IL17RB: variants seen among roughly 807,000 people sequenced by gnomAD.
The protein encoded by IL17RB is interleukin 17 receptor B.
Under a neutral mutation model 43.9 loss-of-function variants are expected in IL17RB, and 36 were observed. The observed-to-expected ratio is 0.82, with a 90% CI of 0.63 to 1.08. The LOEUF is 1.08. Ranked by LOEUF, IL17RB falls within the 50% of genes least tolerant of loss-of-function variation. The pLI is 0.00. For synonymous variants in IL17RB, 225 were observed against 225.4 expected, an observed-to-expected ratio of 1.00 and a Z score of 0.02; for missense variants, 613 against 613.6, an observed-to-expected ratio of 1.00 and a Z score of 0.01.
chr3:53,858,879 C>CA, intron 9 of IL17RB, 61 bp downstream of exon 9: 2 of 1,313,232 alleles, frequency 1.5e-6, no homozygotes, highest in Non-Finnish European at 2.2e-6. Flanking sequence ...CACTGCCCCC[C>CA]ACTCAGTATG....
At chr3:53,852,245 G>C (rs374269218) in intron 4 of IL17RB, 119 bp downstream of exon 4, 7 of 922,444 alleles carry the variant, frequency 7.6e-6, no homozygotes, top group Admixed American at 2.1e-5. Flanking sequence ...GGGCTCAAGC[G>C]ATCGTTCTAC....
intron 10 of IL17RB, 27 bp downstream of exon 10, chr3:53,860,255 T>G: frequency 6.5e-7 from 1 of 1,546,650 alleles, no homozygotes; most frequent in Non-Finnish European, 8.8e-7. Context: ...TTTAAAGACA[T>G]CCTAGTAAGG....
At chr3:53,862,957 C>T (rs1050547957) in intron 10 of IL17RB, among the ~76,000 whole-genome samples, 1 of 152,206 alleles carries the variant, frequency 6.6e-6, no homozygotes, top group Non-Finnish European at 1.5e-5. Flanking sequence ...TCTGCCACCC[C>T]TAAGTCAGCA....
intron 1 of IL17RB, 98 bp from the exon 2 acceptor site, chr3:53,848,566 A>G: frequency 1.8e-6 from 2 of 1,135,954 alleles, no homozygotes; most frequent in Non-Finnish European, 2.7e-6. Context: ...TCACTTGTAT[A>G]TGCATTTAAG....
At chr3:53,855,390 T>C in intron 6 of IL17RB, 49 bp downstream of exon 6, 1 of 1,276,552 alleles carries the variant, frequency 7.8e-7, no homozygotes, top group East Asian at 2.3e-5. Context: ...ACTTGTAACT[T>C]GAGGCAGCAT....
At chr3:53,851,608 G>A (rs1699150438) in intron 3 of IL17RB, among the ~76,000 whole-genome samples, 1 of 152,316 alleles carries the variant, frequency 6.6e-6, no homozygotes, top group East Asian at 1.9e-4. Flanking sequence ...GTGTGGTTTG[G>A]TGATGACAGT....
intron 1 of IL17RB, among the ~76,000 whole-genome samples, chr3:53,847,233 C>T (rs1698947271): frequency 6.6e-6 from 1 of 152,184 alleles, no homozygotes. Flanking sequence ...TAGCATATAG[C>T]ATCAAGCTCC....
At chr3:53,852,153 G>GT (rs755703439) in intron 4 of IL17RB, 27 bp downstream of exon 4, 6 of 1,609,528 alleles carry the variant, frequency 3.7e-6, no homozygotes, top group African/African-American at 1.3e-5. Flanking sequence ...TTTTTGTTTT[G>GT]TTTTTTGAGA....
rs564942078 is a variant in IL17RB at position 53,862,075 on chromosome 3, T to C, written c.946+1847T>C. The stretch of plus-strand genomic sequence containing the variant: ...AGAAGGCCTGGACACTGAGAAAACT[T>C]TTCTGGATTGGTTCCACTGATGCTT... On this transcript the variant is annotated intron_variant, in intron 10 of 10. Coordinates refer to ENST00000288167, the MANE Select transcript of IL17RB (RefSeq NM_018725.4). 5.9e-5 allele frequency among the ~76,000 whole-genome samples: 9 copies of C among 152,280 alleles called. No homozygotes were observed. The South Asian group carries it at 1.7e-3, about 28-fold the overall frequency.
At position 53,851,982 on chromosome 3, in the gene IL17RB, C is replaced by G. The variant is rs1466471020; in HGVS notation, c.227-17C>G. 2 of 1,613,948 alleles carry G rather than the reference C, an allele frequency of 1.2e-6. No individual in the cohort carries two copies. Among genetic ancestry groups the G allele is most frequent in the East Asian group, 4.5e-5 (2 of 44,882 alleles). On this transcript the variant is annotated splice_polypyrimidine_tract_variant and intron_variant, in intron 3 of 10. Coordinates refer to ENST00000288167, the MANE Select transcript of IL17RB (RefSeq NM_018725.4). ...CAAGTGCTAAATAAACCAATGTCCT[C>G]TTGCCTATCTCGGCAGCCAGCATCC...
chr3:53,858,445 G>T, intron 8 of IL17RB: 5 of 1,256,906 alleles, frequency 4.0e-6, no homozygotes, highest in Non-Finnish European at 4.0e-6. Context: ...GGTAAGATAT[G>T]ACCTAGCCCT....
intron 3 of IL17RB, among the ~76,000 whole-genome samples, chr3:53,850,776 G>T (rs1699111316): frequency 6.6e-6 from 1 of 151,866 alleles, no homozygotes; most frequent in Non-Finnish European, 1.5e-5. Flanking sequence ...TTGCACTCCT[G>T]CCTGGGTGAC....
chr3:53,864,710 T>C, intron 10 of IL17RB, 36 bp from the exon 11 acceptor site: 1 of 1,457,932 alleles, frequency 6.9e-7, no homozygotes, highest in African/African-American at 1.4e-5. Context: ...TGCTGTTTGC[T>C]GTTCACAGAT....
rs1043261 is a variant in IL17RB, at chr3:53,865,249, C to T, written c.1450C>T (p.Gln484Ter). Residue 484 changes from glutamine (Q) to a stop codon, truncating the protein, a stop_gained, in exon 11 of 11, where the codon CAG becomes TAG. Transcript: ENST00000288167. LOFTEE classifies it low-confidence loss of function (END_TRUNC). ...AFCAELLHVK[Q>*]QVSAGKRSQA... ...CTGTGCAGAACTTCTCCATGTCAAG[C>T]AGCAGGTGTCAGCAGGAAAAAGATC... The T allele has an allele frequency of 0.088, 141,723 of 1,611,796 alleles. 7,228 individuals are homozygous for T. Among genetic ancestry groups the T allele is most frequent in the South Asian group, 0.18 (16,231 of 91,066 alleles).
intron 5 of IL17RB, among the ~76,000 whole-genome samples, chr3:53,854,131 G>A (rs1223683112): frequency 2.0e-5 from 3 of 151,952 alleles, no homozygotes; most frequent in South Asian, 2.1e-4. Context: ...TCCTAACCTC[G>A]GGTGATCTGC....
In IL17RB at chr3:53,849,695, C is replaced by A. The variant is rs1025689; in HGVS notation, c.126C>A (p.Pro42=). Residue 42 remains proline, a synonymous_variant, in exon 3 of 11, where the codon CCC becomes CCA. Transcript: ENST00000288167. The part of the protein sequence containing the change: ...PEWMLQHDLI[P]GDLRDLRVEP... ...GGATGCTACAACATGATCTAATCCC[C>A]GGAGACTTGAGGGACCTCCGAGTAG... The A allele has an allele frequency of 1.5e-5, 24 of 1,611,998 alleles. No individual in the cohort carries two copies. Among genetic ancestry groups the A allele is most frequent in the East Asian group, 8.9e-5 (4 of 44,778 alleles).
intron 3 of IL17RB, among the ~76,000 whole-genome samples, chr3:53,850,711 A>G (rs977360818): frequency 2.6e-5 from 4 of 152,200 alleles, no homozygotes; most frequent in African/African-American, 9.7e-5. Flanking sequence ...AGGCTGAGGC[A>G]GGAGAATAAC....
chr3:53,865,544 T>C lies in IL17RB; in HGVS notation c.*236T>C, dbSNP rs1439473023. 1.0e-5 allele frequency: 5 copies of C among 480,642 alleles called. No individual in the cohort carries two copies. The highest frequency in any genetic ancestry group is 1.9e-5 in the African/African-American group (1 of 51,610). 29.8% of individuals were successfully genotyped at this position (480,642 alleles called of 1,614,324 possible). A position where few individuals can be genotyped will look rare whatever the true frequency, so the allele number is the denominator to read the frequency against. On this transcript the variant is annotated 3_prime_UTR_variant, in exon 11 of 11. Coordinates refer to ENST00000288167, the MANE Select transcript of IL17RB (RefSeq NM_018725.4). ...ACATAGAAATCAATTACAGTTTTAA[T>C]TGAAAACTATAACCATTTTGATAAT... is the stretch of plus-strand genomic sequence containing the variant.
chr3:53,862,680 C>T (rs140989486), intron 10 of IL17RB, among the ~76,000 whole-genome samples: 1 of 152,288 alleles, frequency 6.6e-6, no homozygotes, highest in Non-Finnish European at 1.5e-5. Context: ...GAAGACGACA[C>T]AGAAGCAGCA....
Sources: allele counts gnomAD v4.1 joint callset (sites outside exome capture counted in the v4.1 genomes callset), GRCh38; gene constraint gnomAD v4.1.1; transcripts MANE v1.5; gene names NCBI Gene and HGNC (gene_info 2026-07-23, HGNC 2026-07-21).